PEAR1: variants seen among roughly 807,000 people sequenced by gnomAD.
PEAR1 encodes platelet endothelial aggregation receptor 1, also known as multiple EGF-like domains protein 12.
Under a neutral mutation model 131.2 loss-of-function variants are expected in PEAR1, and 113 were observed. The ratio of observed to expected loss-of-function variants is 0.86; its 90% CI spans 0.74 to 1.01. The LOEUF is 1.01. PEAR1 is among the 50% of genes least tolerant of loss of function. The pLI is 0.00. For synonymous variants in PEAR1, 565 were observed against 523.3 expected, an observed-to-expected ratio of 1.08 and a Z score of -1.09; for missense variants, 1,408 against 1,391.1, an observed-to-expected ratio of 1.01 and a Z score of -0.19.
intron 6 of PEAR1, 68 bp from the exon 7 acceptor site, chr1:156,907,542 C>A: frequency 6.4e-7 from 1 of 1,556,612 alleles, no homozygotes; most frequent in South Asian, 1.2e-5. Flanking sequence ...TGGGGGCAGT[C>A]CTTGGAGGCA....
intron 14 of PEAR1, 100 bp from the exon 15 acceptor site, chr1:156,910,518 G>C (rs1487851134): frequency 1.9e-6 from 3 of 1,561,592 alleles, no homozygotes; most frequent in African/African-American, 1.3e-5. Context: ...CCCGTCTTCA[G>C]ACTAGTTACT....
Position 156,912,755 on chromosome 1 carries a change from C to T in PEAR1, c.2210-15C>T. On this transcript the variant is annotated splice_polypyrimidine_tract_variant and intron_variant, in intron 17 of 22. Transcript: ENST00000292357. The stretch of plus-strand genomic sequence containing the variant: ...GCCAAGATGCCATTCTGAGTGAGCA[C>T]CCCATTCCACACAGGAATCCAGGAG... The T allele has an allele frequency of 6.2e-7, 1 of 1,614,072 alleles. No homozygotes were observed. Among genetic ancestry groups the T allele is most frequent in the Non-Finnish European group, 8.5e-7 (1 of 1,179,902 alleles).
Position 156,910,670 on chromosome 1 carries a change from C to T in PEAR1, c.1878C>T (p.Asn626=). 6.2e-7 allele frequency: 1 copy of T among 1,614,184 alleles called. No homozygotes were observed. The highest frequency in any genetic ancestry group is 8.5e-7 in the Non-Finnish European group (1 of 1,180,046). ...GCTGTGTGCCCTGCAAGTGCGCTAACCACTCCTTCTGCCACCCCTCGAACG... is the reference window on the plus strand; with the variant it reads ...GCTGTGTGCCCTGCAAGTGCGCTAATCACTCCTTCTGCCACCCCTCGAACG... The part of the protein sequence containing the change: ...GKRCVPCKCA[N]HSFCHPSNGT... Residue 626 remains asparagine (N), a synonymous_variant, in exon 15 of 23, where the codon AAC becomes AAT. Coordinates refer to ENST00000292357, the MANE Select transcript of PEAR1 (RefSeq NM_001080471.3).
chr1:156,899,046 G>C (rs746685149), intron 1 of PEAR1, among the ~76,000 whole-genome samples: 1 of 151,756 alleles, frequency 6.6e-6, no homozygotes, highest in South Asian at 2.1e-4. Flanking sequence ...GCAGGCTCTA[G>C]TCTGAGGTCT....
In PEAR1 at chr1:156,912,320, C is replaced by T. The variant is rs1315602103; in HGVS notation, c.2025C>T (p.Pro675=). The T allele has an allele frequency of 1.9e-6, 3 of 1,614,056 alleles. No homozygotes were observed. Among genetic ancestry groups the T allele is most frequent in the Non-Finnish European group, 8.5e-7 (1 of 1,179,998 alleles). ...CQCHHGGTCH[P]QDGSCICPLG... is the part of the protein sequence containing the mutation. ...GTCACCATGGTGGGACCTGCCATCC[C>T]CAGGATGGGAGCTGTATCTGCCCCC... is the stretch of plus-strand genomic sequence containing the variant. The change falls in exon 16 of 23, where the codon CCC becomes CCT. Residue 675 remains proline (P), a synonymous_variant. Coordinates refer to ENST00000292357, the MANE Select transcript of PEAR1 (RefSeq NM_001080471.3).
At chr1:156,900,933 A>C (rs1191844144) in intron 1 of PEAR1, among the ~76,000 whole-genome samples, 1 of 151,798 alleles carries the variant, frequency 6.6e-6, no homozygotes, top group Non-Finnish European at 1.5e-5. Flanking sequence ...GGGTTGGGGG[A>C]GCATGGGCCA....
chr1:156,914,211 GGCCTTT>G, intron 22 of PEAR1, 111 bp downstream of exon 22: 4 of 1,432,662 alleles, frequency 2.8e-6, no homozygotes, highest in Non-Finnish European at 3.7e-6. Context: ...TCAAGAGTGA[GGCCTTT>G]GGGGTCAGCT....
intron 4 of PEAR1, 127 bp from the exon 5 acceptor site, chr1:156,906,146 TAGA>T (rs1650272705): frequency 2.7e-6 from 2 of 742,300 alleles, no homozygotes; most frequent in Non-Finnish European, 4.5e-6. Context: ...GTCTTTATCT[TAGA>T]GGCAGAATTG....
chr1:156,914,604 G>A (rs763176646), intron 22 of PEAR1, 43 bp from the exon 23 acceptor site: 1 of 1,574,032 alleles, frequency 6.4e-7, no homozygotes, highest in East Asian at 2.3e-5. Flanking sequence ...GGGGAGAGTG[G>A]TGGGAGGAGC....
In PEAR1 at chr1:156,907,610, C is replaced by A; in HGVS notation, c.645C>A (p.Ser215Arg). ...TGACTCCACCCACTCTGTCCTGCAG[C>A]TGTGACGTGTCCTGTTCCCAGGGCA... ...CFCPAERTGP[S>R]CDVSCSQGTS... Residue 215 changes from serine to arginine, a missense_variant and splice_region_variant, in exon 7 of 23, where the codon AGC (serine) becomes AGA (arginine). By Grantham distance (110) the Ser-to-Arg change is moderately radical (BLOSUM62 -1). Coordinates refer to ENST00000292357, the MANE Select transcript of PEAR1 (RefSeq NM_001080471.3). 1 of 1,610,990 alleles carries A rather than the reference C, an allele frequency of 6.2e-7. No individual in the cohort carries two copies.
intron 1 of PEAR1, among the ~76,000 whole-genome samples, chr1:156,897,527 C>T (rs1649277733): frequency 6.6e-6 from 1 of 152,192 alleles, no homozygotes; most frequent in Admixed American, 6.5e-5. Flanking sequence ...AGGACTTTGG[C>T]TGGGGTTTGG....
intron 22 of PEAR1, 99 bp downstream of exon 22, chr1:156,914,199 C>T (rs377398019): frequency 3.0e-5 from 43 of 1,449,142 alleles, no homozygotes; most frequent in Middle Eastern, 2.4e-4. Flanking sequence ...CATGATGTGG[C>T]ATCAAGAGTG....
intron 11 of PEAR1, among the ~76,000 whole-genome samples, 169 bp downstream of exon 11, chr1:156,909,205 T>C (rs1650754464): frequency 6.6e-6 from 1 of 152,080 alleles, no homozygotes. Flanking sequence ...TCCTGGAATA[T>C]CCACTTTGCT....
intron 3 of PEAR1, 29 bp downstream of exon 3, chr1:156,904,881 A>T (rs1650062274): frequency 6.2e-7 from 1 of 1,613,488 alleles, no homozygotes; most frequent in Non-Finnish European, 8.5e-7. Context: ...CCATGGGTGG[A>T]TGGGCTACCT....
In PEAR1 at chr1:156,908,050, C is replaced by T; in HGVS notation, c.901C>T (p.Arg301Trp). ...CRCAPGYTGD[R>W]CREECPVGRF... ...CTGCGCTCCGGGTTACACTGGGGAT[C>T]GGTGAGTGGCGTGGGGCGGGCGGGA... The change falls in exon 8 of 23, where the codon CGG (arginine) becomes TGG (tryptophan). Residue 301 changes from arginine (R) to tryptophan (W), a missense_variant and splice_region_variant. Transcript: ENST00000292357. This position sits in a 1 kb window ranked among gnomAD's most constrained non-coding sequence, Gnocchi z 4.2. 1.0e-6 allele frequency: 1 copy of T among 963,568 alleles called. No individual in the cohort carries two copies. Among genetic ancestry groups the T allele is most frequent in the Non-Finnish European group, 1.6e-6 (1 of 643,700 alleles). 59.7% of individuals were successfully genotyped at this position (963,568 alleles called of 1,614,324 possible).
rs780348327 is a variant in PEAR1 at position 156,913,948 on chromosome 1, G to A, written c.2810G>A (p.Gly937Asp). The A allele has an allele frequency of 2.5e-6, 4 of 1,614,036 alleles. No individual in the cohort carries two copies. Among genetic ancestry groups the A allele is most frequent in the Admixed American group, 3.3e-5 (2 of 60,012 alleles). ...CGGGACCTGCCCAGCTTGCCAGGGG[G>A]CCCCCGGGAGAGCAGCTACATGGAG... ...TIRDLPSLPGGPRESSYMEMK... is the reference protein window; with the variant it reads ...TIRDLPSLPGDPRESSYMEMK... The change falls in exon 22 of 23, where the codon GGC becomes GAC. Residue 937 changes from glycine to aspartate, a missense_variant. Coordinates refer to ENST00000292357, the MANE Select transcript of PEAR1 (RefSeq NM_001080471.3).
At chr1:156,910,862 A>G (rs1650989306) in intron 15 of PEAR1, 119 bp downstream of exon 15, 1 of 1,406,884 alleles carries the variant, frequency 7.1e-7, no homozygotes, top group Admixed American at 2.1e-5. Context: ...TTGAGTAAAT[A>G]TTTACTGGGC....
chr1:156,914,739 T>G lies in PEAR1; in HGVS notation c.3055T>G (p.Tyr1019Asp). 1 of 1,613,992 alleles carries G rather than the reference T, an allele frequency of 6.2e-7. No individual in the cohort carries two copies. The highest frequency in any genetic ancestry group is 1.1e-5 in the South Asian group (1 of 91,056). The change falls in exon 23 of 23, where the codon TAT (tyrosine) becomes GAT (aspartate). Residue 1019 changes from tyrosine (Y) to aspartate (D), a missense_variant. By Grantham distance (160) the Tyr-to-Asp change is radical (BLOSUM62 -3). Transcript: ENST00000292357. ...CAAGAACAGCCACATCCCTGGACAT[T>G]ATGACTTGCCTCCAGTACGGCATCC... ...SPKNSHIPGH[Y>D]DLPPVRHPPS...
intron 1 of PEAR1, among the ~76,000 whole-genome samples, chr1:156,896,860 G>A (rs1333844231): frequency 6.6e-6 from 1 of 152,224 alleles, no homozygotes; most frequent in African/African-American, 2.4e-5. Flanking sequence ...TCCTGCTGGA[G>A]GTCAGGAGGG....
Sources: gnomAD v4.1 joint callset for allele counts (sites outside exome capture counted in the v4.1 genomes callset) on GRCh38, gnomAD v4.1.1 for gene constraint, Gnocchi (gnomAD v3.1) non-coding constraint, MANE v1.5 for transcripts, NCBI Gene and HGNC (gene_info 2026-07-23, HGNC 2026-07-21) for gene names.